The following ASIC2 variants were observed in gnomAD, a reference collection of about 807,000 sequenced individuals.
The protein encoded by ASIC2 is acid-sensing ion channel 2.
ASIC2 carries 25 observed loss-of-function variants against 57.3 expected under a neutral mutation model. The ratio of observed to expected loss-of-function variants is 0.44; its 90% CI spans 0.32 to 0.61. ASIC2 has a LOEUF of 0.61. Ranked by LOEUF, ASIC2 falls within the 20% of genes least tolerant of loss-of-function variation. ASIC2 has a pLI of 0.06. For missense variants in ASIC2, 641 were observed against 738.1 expected, an observed-to-expected ratio of 0.87 and a Z score of 1.52; for synonymous variants, 319 against 307.5, an observed-to-expected ratio of 1.04 and a Z score of -0.39.
intron 1 of ASIC2, among the ~76,000 whole-genome samples, chr17:34,072,668 T>C (rs112970846): frequency 6.6e-6 from 1 of 152,226 alleles, no homozygotes; most frequent in African/African-American, 2.4e-5. Flanking sequence ...TGCATATTAT[T>C]TTTACTTATT....
rs139177962 is a variant in ASIC2 at position 33,582,965 on chromosome 17, G to C, written c.556-470898C>G. On this transcript the variant is annotated intron_variant, in intron 1 of 9. Transcript: ENST00000359872. The stretch of plus-strand genomic sequence containing the variant: ...AAAGTGGAATTCATCAGCAAATAAC[G>C]TTACTAATGCTGCAAATGAGTGGGG... Among the ~76,000 whole-genome samples the C allele has an allele frequency of 5.3e-3, 797 of 149,484 alleles. 9 individuals are homozygous for C. The highest frequency in any genetic ancestry group is 0.018 in the African/African-American group (724 of 41,082).
intron 3 of ASIC2, among the ~76,000 whole-genome samples, chr17:33,086,865 C>A (rs1241896367): frequency 1.3e-5 from 2 of 152,086 alleles, no homozygotes; most frequent in African/African-American, 2.4e-5. Flanking sequence ...TCACAGGGAC[C>A]AGCACCCAAG....
chr17:33,761,589 G>A (rs371700166), intron 1 of ASIC2, among the ~76,000 whole-genome samples: 23 of 152,170 alleles, frequency 1.5e-4, no homozygotes, highest in African/African-American at 1.7e-4. Context: ...GATGGAAGAC[G>A]TGAGCTTATG....
At chr17:34,073,506 G>C (rs1358631133) in intron 1 of ASIC2, among the ~76,000 whole-genome samples, 1 of 152,184 alleles carries the variant, frequency 6.6e-6, no homozygotes, top group Non-Finnish European at 1.5e-5. Context: ...TGGGGTCTGA[G>C]AGCCAGGTTG....
chr17:33,978,685 C>A (rs1905486020), intron 1 of ASIC2, among the ~76,000 whole-genome samples: 1 of 152,194 alleles, frequency 6.6e-6, no homozygotes, highest in South Asian at 2.1e-4. Context: ...CGAGTCAAGG[C>A]CAGACTGAGG....
chr17:33,540,259 A>G (rs1452863658), intron 1 of ASIC2, among the ~76,000 whole-genome samples: 1 of 152,132 alleles, frequency 6.6e-6, no homozygotes, highest in African/African-American at 2.4e-5. Flanking sequence ...CTCTATAACC[A>G]TATTTCCCCC....
intron 1 of ASIC2, among the ~76,000 whole-genome samples, chr17:33,498,470 G>A (rs1245492756): frequency 6.6e-6 from 1 of 152,228 alleles, no homozygotes; most frequent in Non-Finnish European, 1.5e-5. Flanking sequence ...GACTATTCAG[G>A]AGGCGTTGAA....
At chr17:33,474,380 G>GA (rs1163691782) in intron 1 of ASIC2, among the ~76,000 whole-genome samples, 1 of 151,732 alleles carries the variant, frequency 6.6e-6, no homozygotes. Flanking sequence ...CCCCGCCAAA[G>GA]AAAAAAAGAA....
Position 33,292,214 on chromosome 17 carries a change from G to T in ASIC2, c.-99C>A. On this transcript the variant is annotated 5_prime_UTR_variant, in exon 1 of 10. Coordinates refer to ENST00000225823, the MANE Select transcript of ASIC2 (RefSeq NM_183377.2). ...AGTGGAAGCAGCAGCAGCGGCAGCCGCGCGCAGCCCGCGCCAGGGAAGCGT... is the reference window on the plus strand; with the variant it reads ...AGTGGAAGCAGCAGCAGCGGCAGCCTCGCGCAGCCCGCGCCAGGGAAGCGT... 1 of 1,002,382 alleles carries T rather than the reference G, an allele frequency of 1.0e-6. No homozygotes were observed. The highest frequency in any genetic ancestry group is 1.2e-6 in the Non-Finnish European group (1 of 843,116). 62.1% of individuals were successfully genotyped at this position (1,002,382 alleles called of 1,614,324 possible). A position where few individuals can be genotyped will look rare whatever the true frequency, so the allele number is the denominator to read the frequency against.
At chr17:33,691,800 T>C (rs922562874) in intron 1 of ASIC2, among the ~76,000 whole-genome samples, 1 of 151,890 alleles carries the variant, frequency 6.6e-6, no homozygotes, top group African/African-American at 2.4e-5. Flanking sequence ...TATATATGTG[T>C]GTGTATTTAT....
intron 1 of ASIC2, among the ~76,000 whole-genome samples, chr17:33,517,048 G>A (rs1463347364): frequency 6.6e-6 from 1 of 152,186 alleles, no homozygotes; most frequent in Non-Finnish European, 1.5e-5. Flanking sequence ...TCTAGATGTT[G>A]TTTCTTTGCT....
In ASIC2 at chr17:33,894,348, TGC is replaced by T. The variant is rs57808984; in HGVS notation, c.555+261628_555+261629del. Among the ~76,000 whole-genome samples the T allele has an allele frequency of 2.7e-3, 257 of 94,422 alleles. 2 individuals carry two copies. Among genetic ancestry groups the T allele is most frequent in the African/African-American group, 0.012 (246 of 20,382 alleles). The allele number at this position is 94,422 out of a possible 152,430, so 61.9% of individuals were successfully genotyped here. ...AGCTCTGCGTGCGTGCGTGCGTGCG[TGC>T]GTGTGTGTGTGTGTGTGTGTGTGTG... On this transcript the variant is annotated intron_variant, in intron 1 of 9. Transcript: ENST00000359872.
intron 1 of ASIC2, among the ~76,000 whole-genome samples, chr17:33,160,100 T>C (rs1341080063): frequency 6.6e-6 from 1 of 151,640 alleles, no homozygotes; most frequent in African/African-American, 2.4e-5. Context: ...TCCCAGCCAG[T>C]TGGGAGGCTA....
At chr17:33,469,509 A>G (rs552941866) in intron 1 of ASIC2, among the ~76,000 whole-genome samples, 4 of 152,302 alleles carry the variant, frequency 2.6e-5, no homozygotes, top group African/African-American at 9.6e-5. Context: ...ACACGGAGGT[A>G]CAGGCAGGAA....
intron 1 of ASIC2, among the ~76,000 whole-genome samples, chr17:33,644,074 T>C (rs1458066975): frequency 1.3e-5 from 2 of 152,210 alleles, no homozygotes; most frequent in Non-Finnish European, 2.9e-5. Flanking sequence ...TCCCTACTGA[T>C]GGGAGCACCA....
chr17:33,683,700 G>A (rs1200803721), intron 1 of ASIC2, among the ~76,000 whole-genome samples: 1 of 152,102 alleles, frequency 6.6e-6, no homozygotes, highest in East Asian at 1.9e-4. Context: ...TGCCACCAGG[G>A]CCAGGTAATT....
intron 1 of ASIC2, among the ~76,000 whole-genome samples, chr17:33,540,222 C>T (rs900638718): frequency 3.9e-5 from 6 of 152,182 alleles, no homozygotes; most frequent in African/African-American, 1.2e-4. Context: ...TGTATCTTCA[C>T]ATCCTCTTCC....
chr17:33,816,896 T>G (rs978923001), intron 1 of ASIC2: 1 of 152,254 alleles, frequency 6.6e-6, no homozygotes, highest in Non-Finnish European at 1.5e-5. Context: ...TTAATTCACC[T>G]TGCAGAGTCA....
chr17:33,677,519 T>G (rs2142055336), intron 1 of ASIC2, among the ~76,000 whole-genome samples: 1 of 152,356 alleles, frequency 6.6e-6, no homozygotes, highest in East Asian at 1.9e-4. Flanking sequence ...CTGGAAAGGA[T>G]TCACCATTCT....
Sources: gnomAD v4.1 joint callset for allele counts (sites outside exome capture counted in the v4.1 genomes callset) on GRCh38, gnomAD v4.1.1 for gene constraint, MANE v1.5 for transcripts, NCBI Gene and HGNC (gene_info 2026-07-23, HGNC 2026-07-21) for gene names.